GRM8: variants seen among roughly 807,000 people sequenced by gnomAD.
GRM8 encodes the protein metabotropic glutamate receptor 8.
In GRM8, 47 loss-of-function variants were observed where a neutral mutation model predicts 87.2. The observed-to-expected ratio is 0.54, with a 90% CI of 0.43 to 0.69. GRM8 has a LOEUF of 0.69. Among genes scored for constraint, GRM8 ranks in the 30% least tolerant of loss-of-function variants. The probability of loss-of-function intolerance (pLI) is 0.00; values close to 1 mark genes in which losing one functional copy is unlikely to be tolerated. For synonymous variants in GRM8, 396 were observed against 404.5 expected, an observed-to-expected ratio of 0.98 and a Z score of 0.25; for missense variants, 1,019 against 1,139.2, an observed-to-expected ratio of 0.89 and a Z score of 1.52.
At chr7:127,198,695 G>A (rs1265226115) in intron 2 of GRM8, among the ~76,000 whole-genome samples, 1 of 151,432 alleles carries the variant, frequency 6.6e-6, no homozygotes, top group Non-Finnish European at 1.5e-5. Flanking sequence ...AAGAGACAGG[G>A]TTTTGCTCTG....
chr7:126,879,221 C>CT (rs761998507), intron 6 of GRM8, among the ~76,000 whole-genome samples: 2 of 151,798 alleles, frequency 1.3e-5, no homozygotes, highest in South Asian at 2.1e-4. Flanking sequence ...CATGATGAGG[C>CT]TTAATGGTTT....
intron 9 of GRM8, among the ~76,000 whole-genome samples, chr7:126,488,361 G>C (rs181244854): frequency 1.3e-5 from 2 of 152,036 alleles, no homozygotes; most frequent in African/African-American, 4.8e-5. Context: ...GATGAAAATA[G>C]GGTTCATCGT....
intron 7 of GRM8, among the ~76,000 whole-genome samples, chr7:126,698,570 T>C (rs987208524): frequency 6.6e-6 from 1 of 152,194 alleles, no homozygotes; most frequent in Non-Finnish European, 1.5e-5. Context: ...TTCCTATACC[T>C]GGAATGACTC....
At chr7:126,956,909 A>G (rs11563812) in intron 3 of GRM8, among the ~76,000 whole-genome samples, 1,999 of 152,348 alleles carry the variant, frequency 0.013, 27 homozygotes, top group East Asian at 0.058. Flanking sequence ...GACTATTACC[A>G]TGAATTAGTT....
At chr7:126,653,211 A>G (rs1804116216) in intron 7 of GRM8, among the ~76,000 whole-genome samples, 1 of 150,344 alleles carries the variant, frequency 6.7e-6, no homozygotes, top group Non-Finnish European at 1.5e-5. Context: ...GCTGAGGTGG[A>G]GGATCACTTG....
chr7:126,964,021 G>A (rs912154425), intron 3 of GRM8, among the ~76,000 whole-genome samples: 12 of 151,966 alleles, frequency 7.9e-5, no homozygotes, highest in African/African-American at 2.7e-4. Context: ...AAACATCTAC[G>A]ACCATCAGGT....
chr7:126,807,274 CA>C (rs948891402), intron 6 of GRM8, among the ~76,000 whole-genome samples: 5 of 147,744 alleles, frequency 3.4e-5, no homozygotes, highest in Non-Finnish European at 7.5e-5. Context: ...CACAAGTTCA[CA>C]AAAAAAAATA....
Position 126,533,608 on chromosome 7 carries a change from T to C in GRM8, c.1774A>G (p.Ile592Val). ...AAGGTGGTGGCGATGATTCCCAATA[T>C]TGCAACAAACACAGGCACCACAGCC... The part of the protein sequence containing the change: ...PWAVVPVFVA[I>V]LGIIATTFVI... Residue 592 changes from isoleucine to valine, a missense_variant, in exon 9 of 11, where the codon ATA becomes GTA. Physicochemically the swap from Ile to Val is conservative, Grantham distance 29 (BLOSUM62 3). Transcript: ENST00000339582. 1 of 1,614,038 alleles carries C rather than the reference T, an allele frequency of 6.2e-7. No individual in the cohort carries two copies. Among genetic ancestry groups the C allele is most frequent in the Non-Finnish European group, 8.5e-7 (1 of 1,179,986 alleles).
chr7:127,054,660 A>G (rs1819811347), intron 3 of GRM8, among the ~76,000 whole-genome samples: 1 of 152,218 alleles, frequency 6.6e-6, no homozygotes, highest in Non-Finnish European at 1.5e-5. Context: ...CAACCTGGAA[A>G]AAGAATTGAG....
chr7:126,677,630 A>G (rs1807121332), intron 7 of GRM8, among the ~76,000 whole-genome samples: 1 of 152,176 alleles, frequency 6.6e-6, no homozygotes, highest in Non-Finnish European at 1.5e-5. Flanking sequence ...CTTATTTATA[A>G]ATAGGAGCTA....
intron 8 of GRM8, among the ~76,000 whole-genome samples, chr7:126,541,133 C>T (rs760026646): frequency 3.9e-5 from 6 of 152,062 alleles, no homozygotes; most frequent in Non-Finnish European, 8.8e-5. Flanking sequence ...AAACAAAGGC[C>T]AATCACAGCT....
chr7:127,015,399 G>A (rs1815564127), intron 3 of GRM8, among the ~76,000 whole-genome samples: 1 of 152,088 alleles, frequency 6.6e-6, no homozygotes, highest in African/African-American at 2.4e-5. Flanking sequence ...GTGATATGCT[G>A]ATAGGATGGA....
At chr7:127,024,804 C>G (rs1816618237) in intron 3 of GRM8, among the ~76,000 whole-genome samples, 1 of 151,960 alleles carries the variant, frequency 6.6e-6, no homozygotes, top group East Asian at 1.9e-4. Context: ...TCTTTTCATG[C>G]AGACATCAGC....
At chr7:126,600,128 C>A (rs1195541302) in intron 8 of GRM8, among the ~76,000 whole-genome samples, 20 of 152,088 alleles carry the variant, frequency 1.3e-4, no homozygotes, top group Admixed American at 1.3e-3. Context: ...CACATTCAAA[C>A]CACTGAATTC....
intron 7 of GRM8, among the ~76,000 whole-genome samples, chr7:126,702,383 A>G (rs1448055822): frequency 3.3e-5 from 5 of 152,224 alleles, no homozygotes; most frequent in Non-Finnish European, 7.3e-5. Context: ...GAAACTGGAA[A>G]GCTAAAAGCT....
chr7:126,919,217 G>A (rs1586455831), intron 3 of GRM8, among the ~76,000 whole-genome samples: 3 of 152,260 alleles, frequency 2.0e-5, no homozygotes, highest in Admixed American at 1.3e-4. Flanking sequence ...GGCAAGATGT[G>A]TAACATTTGT....
intron 7 of GRM8, among the ~76,000 whole-genome samples, chr7:126,694,103 CAAACT>C (rs898257774): frequency 2.0e-5 from 3 of 151,526 alleles, no homozygotes; most frequent in African/African-American, 7.3e-5. Flanking sequence ...TATAAGAAAA[CAAACT>C]AAACTATATA....
intron 10 of GRM8, among the ~76,000 whole-genome samples, chr7:126,440,628 C>T (rs1305183671): frequency 6.6e-6 from 1 of 151,930 alleles, no homozygotes; most frequent in Non-Finnish European, 1.5e-5. Context: ...ATACAAATAT[C>T]ATTGCATTAC....
chr7:127,049,543 T>C (rs1819261500), intron 3 of GRM8, among the ~76,000 whole-genome samples: 1 of 152,194 alleles, frequency 6.6e-6, no homozygotes, highest in African/African-American at 2.4e-5. Flanking sequence ...AATTATTAAA[T>C]GGCTCCTAGG....
Sources: gnomAD v4.1 joint callset for allele counts (sites outside exome capture counted in the v4.1 genomes callset) on GRCh38, gnomAD v4.1.1 for gene constraint, MANE v1.5 for transcripts, NCBI Gene and HGNC (gene_info 2026-07-23, HGNC 2026-07-21) for gene names.